The following ACSM3 variants were observed in gnomAD, a reference collection of about 807,000 sequenced individuals.
The protein encoded by ACSM3 is acyl-coenzyme A synthetase ACSM3, mitochondrial.
Under a neutral mutation model 74.1 loss-of-function variants are expected in ACSM3, and 61 were observed. The ratio of observed to expected loss-of-function variants is 0.82; its 90% CI spans 0.67 to 1.02. The LOEUF (loss-of-function observed/expected upper bound fraction) is 1.02, where lower values mean the gene tolerates loss of function less well. ACSM3 is among the 50% of genes least tolerant of loss of function. The pLI is 0.00. For missense variants in ACSM3, 660 were observed against 697.0 expected (o/e 0.95, Z 0.60); for synonymous variants, 213 against 241.5 (o/e 0.88, Z 1.09).
chr16:20,765,048 G>A (rs1429465230), intron 1 of ACSM3, among the ~76,000 whole-genome samples: 1 of 152,190 alleles, frequency 6.6e-6, no homozygotes, highest in African/African-American at 2.4e-5. Context: ...AGGGAGGGAT[G>A]TTTAGGGAGC....
chr16:20,750,754 CCAT>C (rs1340511041), intron 2 of ACSM3, among the ~76,000 whole-genome samples: 3 of 151,740 alleles, frequency 2.0e-5, no homozygotes, highest in Non-Finnish European at 4.4e-5. Context: ...ACTTTATTGT[CCAT>C]AGAGATTATA....
chr16:20,694,911 G>C (rs778059097), intron 1 of ACSM3, among the ~76,000 whole-genome samples: 15 of 152,128 alleles, frequency 9.9e-5, no homozygotes, highest in Non-Finnish European at 2.2e-4. Flanking sequence ...TGAATATGAA[G>C]ATAGCCAAGG....
intron 1 of ACSM3, chr16:20,682,418 A>C: frequency 6.2e-7 from 1 of 1,613,894 alleles, no homozygotes; most frequent in Non-Finnish European, 8.5e-7. Flanking sequence ...TCGATAGAGA[A>C]TGTCTTTGGC....
At chr16:20,737,061 T>G (rs765875068) in intron 1 of ACSM3, 2 of 1,614,188 alleles carry the variant, frequency 1.2e-6, no homozygotes, top group Non-Finnish European at 1.7e-6. Context: ...TTGGTCTGAT[T>G]TGTCCGCAGA....
chr16:20,752,020 T>TATGAGAAATAAATGATATGA (rs2079992423), intron 2 of ACSM3, among the ~76,000 whole-genome samples: 1 of 152,154 alleles, frequency 6.6e-6, no homozygotes, highest in Admixed American at 6.5e-5. Flanking sequence ...CTTACAGAGC[T>TATGAGAAATAAATGATATGA]GCTATGAGAA....
At position 20,792,684 on chromosome 16, in the gene ACSM3, G is replaced by A. The variant is rs1186704113; in HGVS notation, c.1554+349G>A. On this transcript the variant is annotated intron_variant, in intron 12 of 13. Transcript: ENST00000289416. ...ATGGGATCAAATTGTTACCCAGAAG[G>A]TCTGGAAACCAACGAGGTCCCTGGT... The A allele has an allele frequency of 4.1e-6, 4 of 985,302 alleles. No homozygotes were observed. The African/African-American group carries it at 7.0e-5, about 17-fold the overall frequency. 61.0% of individuals were successfully genotyped at this position (985,302 alleles called of 1,614,324 possible). A position where few individuals can be genotyped will look rare whatever the true frequency, so the allele number is the denominator to read the frequency against.
intron 1 of ACSM3, among the ~76,000 whole-genome samples, chr16:20,745,133 A>C (rs187618334): frequency 4.3e-4 from 65 of 152,142 alleles, no homozygotes; most frequent in Non-Finnish European, 8.2e-4. Flanking sequence ...ATTCCTTATT[A>C]TTCTTCTTTG....
At chr16:20,753,098 A>G (rs2080000814) in intron 2 of ACSM3, among the ~76,000 whole-genome samples, 2 of 152,178 alleles carry the variant, frequency 1.3e-5, no homozygotes, top group South Asian at 2.1e-4. Flanking sequence ...ATATATATCA[A>G]TAAAATGCAA....
intron 1 of ACSM3, among the ~76,000 whole-genome samples, chr16:20,689,315 G>A (rs77816149): frequency 0.16 from 23,899 of 151,846 alleles, 2,555 homozygotes; most frequent in East Asian, 0.42. Context: ...TACACAAAAG[G>A]AAATGAGAAG....
At chr16:20,724,192 G>A (rs1353060766) in intron 1 of ACSM3, among the ~76,000 whole-genome samples, 2 of 152,250 alleles carry the variant, frequency 1.3e-5, no homozygotes, top group Admixed American at 6.5e-5. Flanking sequence ...GGTAGTTGTA[G>A]ATATTCATCC....
At chr16:20,764,991 C>T (rs529105546) in intron 1 of ACSM3, among the ~76,000 whole-genome samples, 6 of 152,210 alleles carry the variant, frequency 3.9e-5, no homozygotes, top group African/African-American at 1.2e-4. Context: ...ATTTACCTTG[C>T]GTTGAGGCTG....
At chr16:20,765,765 ACTTC>A (rs1161849344) in intron 1 of ACSM3, among the ~76,000 whole-genome samples, 1 of 152,194 alleles carries the variant, frequency 6.6e-6, no homozygotes, top group Non-Finnish European at 1.5e-5. Flanking sequence ...GTTTGTGTAT[ACTTC>A]CTTGTCTGTA....
At chr16:20,794,441 A>G (rs187989283) in intron 12 of ACSM3, among the ~76,000 whole-genome samples, 2 of 152,324 alleles carry the variant, frequency 1.3e-5, no homozygotes, top group Admixed American at 1.3e-4. Flanking sequence ...ATGGCTATCA[A>G]TCACTTGAAA....
intron 9 of ACSM3, chr16:20,789,523 T>C (rs974389924): frequency 9.3e-6 from 15 of 1,613,808 alleles, no homozygotes; most frequent in Non-Finnish European, 1.2e-5. Context: ...TTACTCATAT[T>C]GGGCTTCTGA....
chr16:20,794,131 T>G (rs1276554953), intron 12 of ACSM3, among the ~76,000 whole-genome samples: 1 of 152,204 alleles, frequency 6.6e-6, no homozygotes, highest in African/African-American at 2.4e-5. Context: ...GCTCCATGCC[T>G]CCCTTTCTGC....
chr16:20,679,949 A>G (rs77233013), intron 1 of ACSM3: 1 of 152,168 alleles, frequency 6.6e-6, no homozygotes, highest in Non-Finnish European at 1.5e-5. Flanking sequence ...GCTATGCTGC[A>G]TATGTTCACA....
chr16:20,690,851 G>C (rs2079640056), intron 1 of ACSM3: 2 of 736,572 alleles, frequency 2.7e-6, no homozygotes, highest in Non-Finnish European at 4.2e-6. Context: ...GCTGGGAATA[G>C]AACCTTGAAA....
intron 2 of ACSM3, among the ~76,000 whole-genome samples, chr16:20,754,849 G>A (rs1015894513): frequency 1.3e-5 from 2 of 152,160 alleles, no homozygotes. Flanking sequence ...GGTGGAGGGA[G>A]AGCAGTACAA....
chr16:20,734,337 T>C (rs2079850803), intron 1 of ACSM3: 1 of 152,592 alleles, frequency 6.6e-6, no homozygotes, highest in Non-Finnish European at 1.5e-5. Flanking sequence ...CCTATTCCCC[T>C]AACTGATATT....
Sources: allele counts gnomAD v4.1 joint callset (sites outside exome capture counted in the v4.1 genomes callset), GRCh38; gene constraint gnomAD v4.1.1; transcripts MANE v1.5; gene names NCBI Gene and HGNC (gene_info 2026-07-23, HGNC 2026-07-21).